RBFOX3: variants seen among roughly 807,000 people sequenced by gnomAD.
The protein encoded by RBFOX3 is RNA binding protein fox-1 homolog 3.
A neutral mutation model predicts 48.7 loss-of-function variants in RBFOX3; 17 were observed. That is an observed-to-expected ratio of 0.35 (90% CI 0.24 to 0.52). The LOEUF (loss-of-function observed/expected upper bound fraction) is 0.52. RBFOX3 is among the 20% of genes least tolerant of loss of function. RBFOX3 has a pLI of 0.94. For synonymous variants in RBFOX3, 212 were observed against 209.5 expected (o/e 1.01, Z -0.10); for missense variants, 382 against 497.5 (o/e 0.77, Z 2.21).
chr17:79,342,979 CGAGA>C (rs35571686), intron 2 of RBFOX3, among the ~76,000 whole-genome samples: 23 of 143,776 alleles, frequency 1.6e-4, no homozygotes, highest in Non-Finnish European at 2.3e-4. Context: ...AGAGAAAGAG[CGAGA>C]GAGAGAGAGA....
At chr17:79,206,732 C>A (rs1157581792) in intron 4 of RBFOX3, among the ~76,000 whole-genome samples, 7 of 152,174 alleles carry the variant, frequency 4.6e-5, no homozygotes, top group Non-Finnish European at 8.8e-5. Context: ...AGTTAACACC[C>A]CATGGTGCAC....
At chr17:79,570,247 C>T (rs2092624530) in intron 1 of RBFOX3, among the ~76,000 whole-genome samples, 1 of 151,054 alleles carries the variant, frequency 6.6e-6, no homozygotes, top group African/African-American at 2.4e-5. Context: ...GGTATATGAA[C>T]AGATGAATTA....
At chr17:79,573,536 G>A (rs1401506963) in intron 1 of RBFOX3, among the ~76,000 whole-genome samples, 2 of 152,184 alleles carry the variant, frequency 1.3e-5, no homozygotes, top group Non-Finnish European at 2.9e-5. Flanking sequence ...GCCCTTCAAG[G>A]CTTTCACCCT....
At chr17:79,094,098 G>A (rs535178016) in intron 14 of RBFOX3, among the ~76,000 whole-genome samples, 2 of 152,302 alleles carry the variant, frequency 1.3e-5, no homozygotes, top group African/African-American at 4.8e-5. Context: ...AAGGAGAGGC[G>A]GCCCTGGTTT....
At chr17:79,143,147 CAAG>C (rs2042247038) in intron 4 of RBFOX3, among the ~76,000 whole-genome samples, 1 of 152,140 alleles carries the variant, frequency 6.6e-6, no homozygotes, top group Non-Finnish European at 1.5e-5. Context: ...TTGGACCCCA[CAAG>C]AAGGGGGGTC....
intron 1 of RBFOX3, among the ~76,000 whole-genome samples, chr17:79,560,844 T>C (rs1259254887): frequency 6.6e-6 from 1 of 152,212 alleles, no homozygotes; most frequent in African/African-American, 2.4e-5. Flanking sequence ...CTGCGTCCTC[T>C]CCTTTTCTCA....
At position 79,512,872 on chromosome 17, in the gene RBFOX3, C is replaced by T. The variant is rs533544231; in HGVS notation, c.-319-30274G>A. 5.9e-4 allele frequency among the ~76,000 whole-genome samples: 84 copies of T among 143,502 alleles called. 1 individual carries two copies. Among genetic ancestry groups the T allele is most frequent in the African/African-American group, 1.9e-3 (72 of 38,212 alleles). The allele number at this position is 143,502 out of a possible 152,430, so 94.1% of individuals were successfully genotyped here. ...GCCCCATGGCCAGGGGACGCACACC[C>T]GGATACGTATTACCATCGGCTACGG... On this transcript the variant is annotated intron_variant, in intron 1 of 14. Transcript: ENST00000693108.
Position 79,115,588 on chromosome 17 carries a change from T to G in RBFOX3, c.128A>C (p.His43Pro). ...YSGQTPVPTE[H>P]GMTLYTPAQT... ...TGCTGGTGTGTACAGGGTCATGCCA[T>G]GCTCTGTGGGGACCGGGGTCTGGCC... Residue 43 changes from histidine (H) to proline (P), a missense_variant, in exon 5 of 15, where the codon CAT (histidine) becomes CCT (proline). Physicochemically the swap from His to Pro is moderately conservative, Grantham distance 77. This residue lies in a region of RBFOX3 where 118 missense variants were observed against 132.1 expected (regional missense o/e 0.89). Transcript: ENST00000693108. 1 of 1,424,514 alleles carries G rather than the reference T, an allele frequency of 7.0e-7. No homozygotes were observed. The highest frequency in any genetic ancestry group is 9.2e-7 in the Non-Finnish European group (1 of 1,089,048). 88.2% of individuals were successfully genotyped at this position (1,424,514 alleles called of 1,614,324 possible).
At chr17:79,468,301 T>C (rs2149347996) in intron 2 of RBFOX3, among the ~76,000 whole-genome samples, 1 of 151,958 alleles carries the variant, frequency 6.6e-6, no homozygotes, top group South Asian at 2.1e-4. Context: ...AATAGATAGA[T>C]GAGTAGATGG....
intron 2 of RBFOX3, among the ~76,000 whole-genome samples, chr17:79,416,795 T>C (rs564613050): frequency 2.8e-4 from 43 of 152,352 alleles, no homozygotes; most frequent in African/African-American, 9.6e-4. Flanking sequence ...CTTTAGAATC[T>C]AAAGCAACAC....
At chr17:79,108,851 C>T (rs928908827) in intron 5 of RBFOX3, among the ~76,000 whole-genome samples, 4 of 152,344 alleles carry the variant, frequency 2.6e-5, no homozygotes, top group African/African-American at 9.6e-5. Flanking sequence ...TCCCTGGCGA[C>T]AGCCCCTGGC....
the RBFOX3 span, among the ~76,000 whole-genome samples, chr17:79,647,798 C>T: frequency 9.2e-5 from 14 of 152,300 alleles, no homozygotes; most frequent in Non-Finnish European, 1.5e-4. Flanking sequence ...TCCAATGGCC[C>T]GGGTCACCCT....
upstream of RBFOX3, among the ~76,000 whole-genome samples, chr17:79,613,500 CCT>C (rs2093982788): frequency 2.0e-5 from 3 of 152,176 alleles, no homozygotes. Context: ...ATTTTTAAAA[CCT>C]CTGATTTGGA....
chr17:79,187,091 G>A (rs1170649265), intron 4 of RBFOX3, among the ~76,000 whole-genome samples: 1 of 152,256 alleles, frequency 6.6e-6, no homozygotes, highest in Non-Finnish European at 1.5e-5. Flanking sequence ...GTGTGCAGGG[G>A]AATACTAGAC....
chr17:79,091,828 G>T, intron 14 of RBFOX3: 1 of 489,988 alleles, frequency 2.0e-6, no homozygotes, highest in Non-Finnish European at 2.7e-6. Flanking sequence ...GGAGCGACCA[G>T]GACGTGCCTT....
At chr17:79,531,125 C>T (rs2087704764) in intron 1 of RBFOX3, among the ~76,000 whole-genome samples, 1 of 152,236 alleles carries the variant, frequency 6.6e-6, no homozygotes, top group Non-Finnish European at 1.5e-5. Context: ...CTTGGAAGAA[C>T]GGGCAGATTC....
At chr17:79,230,352 T>G (rs537832353) in intron 4 of RBFOX3, among the ~76,000 whole-genome samples, 1 of 152,140 alleles carries the variant, frequency 6.6e-6, no homozygotes, top group African/African-American at 2.4e-5. Context: ...CTCTGCCTCC[T>G]GGGTTCAAGC....
the RBFOX3 span, among the ~76,000 whole-genome samples, chr17:79,640,461 C>A: frequency 6.6e-6 from 1 of 152,064 alleles, no homozygotes; most frequent in African/African-American, 2.4e-5. Flanking sequence ...AAAAAATAAT[C>A]CCAAAATTTG....
rs36183840 is a variant in RBFOX3, at chr17:79,579,317, A to G, written c.-320+31509T>C. Among the ~76,000 whole-genome samples, 508 of 152,254 alleles carry G rather than the reference A, an allele frequency of 3.3e-3. 3 individuals carry two copies. The highest frequency in any genetic ancestry group is 0.012 in the African/African-American group (493 of 41,566). On this transcript the variant is annotated intron_variant, in intron 1 of 14. Coordinates refer to ENST00000693108, the MANE Select transcript of RBFOX3 (RefSeq NM_001350451.2). ...TGGCTCTGCTGCCGGCCGCTGGCCC[A>G]TGGCTCCTACCAGAAAAGCCCACAT... is the stretch of plus-strand genomic sequence containing the variant.
Sources: allele counts gnomAD v4.1 joint callset (sites outside exome capture counted in the v4.1 genomes callset), GRCh38; gene constraint gnomAD v4.1.1; regional missense constraint gnomAD v4.1.1; transcripts MANE v1.5; gene names NCBI Gene and HGNC (gene_info 2026-07-23, HGNC 2026-07-21).